Variants in CR2 observed in about 807,000 individuals in gnomAD.
CR2 encodes complement receptor type 2.
Under a neutral mutation model 123.0 loss-of-function variants are expected in CR2, and 96 were observed. The ratio of observed to expected loss-of-function variants is 0.78; its 90% CI spans 0.66 to 0.93. CR2 has a LOEUF of 0.93. Among genes scored for constraint, CR2 ranks in the 40% least tolerant of loss-of-function variants. The probability of loss-of-function intolerance (pLI) is 0.00; values close to 1 mark genes in which losing one functional copy is unlikely to be tolerated. For missense variants in CR2, 1,258 were observed against 1,361.0 expected, an observed-to-expected ratio of 0.92 and a Z score of 1.19; for synonymous variants, 484 against 469.5, an observed-to-expected ratio of 1.03 and a Z score of -0.40.
chr1:207,473,589 G>A lies in CR2; in HGVS notation c.2023G>A (p.Gly675Arg). 1.2e-6 allele frequency: 2 copies of A among 1,613,932 alleles called. No individual in the cohort carries two copies. The highest frequency in any genetic ancestry group is 1.7e-5 in the Admixed American group (1 of 59,982). ...PGLHHGRHTG[G>R]NTVFFVSGMT... ...GCTCCACCATGGTCGTCATACAGGTGGAAATACGGTCTTCTTTGTCTCTGG... is the reference window on the plus strand; with the variant it reads ...GCTCCACCATGGTCGTCATACAGGTAGAAATACGGTCTTCTTTGTCTCTGG... The change falls in exon 11 of 20, where the codon GGA becomes AGA. Residue 675 changes from glycine (G) to arginine (R), a missense_variant. Transcript: ENST00000367057.
chr1:207,463,478 A>C (rs1052454777), intron 1 of CR2, among the ~76,000 whole-genome samples: 1 of 152,188 alleles, frequency 6.6e-6, no homozygotes, highest in East Asian at 1.9e-4. Context: ...CTCCAGTGCT[A>C]CTGACCAGGA....
Position 207,454,732 on chromosome 1 carries a change from G to T in CR2, c.58+256G>T. 1 of 420,746 alleles carries T rather than the reference G, an allele frequency of 2.4e-6. No homozygotes were observed. 26.1% of individuals were successfully genotyped at this position (420,746 alleles called of 1,614,324 possible). A position where few individuals can be genotyped will look rare whatever the true frequency, so the allele number is the denominator to read the frequency against. ...GGCGCTGTCTGGTCGGCCCGGTGTGGCTGGCGGCGTGCGGGTGCTCGCGGT... is the reference window on the plus strand; with the variant it reads ...GGCGCTGTCTGGTCGGCCCGGTGTGTCTGGCGGCGTGCGGGTGCTCGCGGT... On this transcript the variant is annotated intron_variant, in intron 1 of 19. Transcript: ENST00000367057. The surrounding 1 kb of genome is among the most constrained non-coding windows in gnomAD (Gnocchi z 4.3).
intron 1 of CR2, among the ~76,000 whole-genome samples, 159 bp from the exon 2 acceptor site, chr1:207,466,367 T>G (rs940771605): frequency 6.6e-6 from 1 of 152,208 alleles, no homozygotes; most frequent in African/African-American, 2.4e-5. Context: ...AAGGTAAGAA[T>G]TTAGGAGTTT....
intron 6 of CR2, 122 bp downstream of exon 6, chr1:207,470,224 A>G: frequency 9.4e-7 from 1 of 1,063,538 alleles, no homozygotes; most frequent in Non-Finnish European, 1.4e-6. Context: ...TACTACATCT[A>G]ATCAATATAA....
In CR2 at chr1:207,471,082, T is replaced by A; in HGVS notation, c.1488T>A (p.Gly496=). 6.2e-7 allele frequency: 1 copy of A among 1,613,554 alleles called. No individual in the cohort carries two copies. The highest frequency in any genetic ancestry group is 8.5e-7 in the Non-Finnish European group (1 of 1,179,800). Residue 496 remains glycine, a synonymous_variant, in exon 8 of 20, where the codon GGT becomes GGA. Transcript: ENST00000367057. ...GACCAGATGTCAACTCTTCTTGTGG[T>A]GAAGGGTGAGTGAAGGCTGACTTAG... The part of the protein sequence containing the change: ...FVRPDVNSSC[G]EGYKLSGSVY...
At chr1:207,459,294 C>T (rs1657910964) in intron 1 of CR2, among the ~76,000 whole-genome samples, 1 of 150,994 alleles carries the variant, frequency 6.6e-6, no homozygotes, top group South Asian at 2.1e-4. Flanking sequence ...CATGGCCTTC[C>T]CTGGCTTTCT....
rs1330904386 is a variant in CR2 at position 207,479,106 on chromosome 1, G to A, written c.3089-151G>A. 3 of 671,724 alleles carry A rather than the reference G, an allele frequency of 4.5e-6. 1 individual carries two copies. 41.6% of individuals were successfully genotyped at this position (671,724 alleles called of 1,614,324 possible). On this transcript the variant is annotated intron_variant, in intron 16 of 19. Transcript: ENST00000367057. ...CTCAAAGTGCTAGGATTACAGGCAT[G>A]TGCCACTGTGCCTGGCCCCAGTACA... is the stretch of plus-strand genomic sequence containing the variant.
intron 8 of CR2, 132 bp downstream of exon 8, chr1:207,471,219 A>G: frequency 1.0e-6 from 1 of 984,858 alleles, no homozygotes; most frequent in Non-Finnish European, 1.6e-6. Context: ...CTTGCCTGTC[A>G]CATGGTCATG....
chr1:207,481,189 A>G (rs1041318705), intron 18 of CR2, among the ~76,000 whole-genome samples: 1 of 151,998 alleles, frequency 6.6e-6, no homozygotes, highest in Non-Finnish European at 1.5e-5. Flanking sequence ...TCCATTAGGA[A>G]TTTATTTTAT....
intron 1 of CR2, 63 bp from the exon 2 acceptor site, chr1:207,466,463 C>G (rs1433577981): frequency 7.0e-6 from 11 of 1,573,354 alleles, no homozygotes; most frequent in Admixed American, 5.0e-5. Flanking sequence ...GATATTTTAC[C>G]TACATTTGAA....
chr1:207,478,297 A>C (rs1658498989), intron 16 of CR2, among the ~76,000 whole-genome samples: 1 of 151,964 alleles, frequency 6.6e-6, no homozygotes, highest in Admixed American at 6.6e-5. Flanking sequence ...CTGAGGCAGG[A>C]GGATTGCTTG....
chr1:207,489,353 A>C lies in CR2; in HGVS notation c.*230A>C, dbSNP rs1412700885. ...CTCTTCAAGGACTTTCTGAAGCCTCACTTATGAGATGCCTGAAGCCAGGCC... is the reference window on the plus strand; with the variant it reads ...CTCTTCAAGGACTTTCTGAAGCCTCCCTTATGAGATGCCTGAAGCCAGGCC... On this transcript the variant is annotated 3_prime_UTR_variant, in exon 20 of 20. Coordinates refer to ENST00000367057, the MANE Select transcript of CR2 (RefSeq NM_001006658.3). 3 of 152,200 alleles carry C rather than the reference A, an allele frequency of 2.0e-5. No homozygotes were observed. Among genetic ancestry groups the C allele is most frequent in the Non-Finnish European group, 4.4e-5 (3 of 68,030 alleles). 9.4% of individuals were successfully genotyped at this position (152,200 alleles called of 1,614,324 possible).
In CR2 at chr1:207,454,330, C is replaced by A; in HGVS notation, c.-89C>A. The A allele has an allele frequency of 1.7e-6, 2 of 1,165,724 alleles. No homozygotes were observed. The highest frequency in any genetic ancestry group is 2.5e-6 in the Non-Finnish European group (2 of 808,752). 72.2% of individuals were successfully genotyped at this position (1,165,724 alleles called of 1,614,324 possible). ...AGGGCCCGCCTCTCCTGGCTCACAG[C>A]TGCTTGCTGCTCCAGCCTTGCCCTC... On this transcript the variant is annotated 5_prime_UTR_variant, in exon 1 of 20. The change creates a new upstream start codon in the 5' untranslated region. Coordinates refer to ENST00000367057, the MANE Select transcript of CR2 (RefSeq NM_001006658.3). The surrounding 1 kb of genome is among the most constrained non-coding windows in gnomAD (Gnocchi z 4.3).
At position 207,474,994 on chromosome 1, in the gene CR2, A is replaced by G; in HGVS notation, c.2494A>G (p.Ser832Gly). The G allele has an allele frequency of 6.2e-7, 1 of 1,614,154 alleles. No homozygotes were observed. Among genetic ancestry groups the G allele is most frequent in the Non-Finnish European group, 8.5e-7 (1 of 1,180,006 alleles). The change falls in exon 14 of 20, where the codon AGC becomes GGC. Residue 832 changes from serine to glycine, a missense_variant. Coordinates refer to ENST00000367057, the MANE Select transcript of CR2 (RefSeq NM_001006658.3). ...RSDSKGHGSW[S>G]GPSPQCLRSP... ...TGATTCTAAAGGACATGGATCTTGG[A>G]GCGGGCCTTCCCCACAGTGCTTACG... is the stretch of plus-strand genomic sequence containing the variant.
intron 1 of CR2, 99 bp from the exon 2 acceptor site, chr1:207,466,427 T>C: frequency 2.2e-6 from 3 of 1,392,406 alleles, no homozygotes; most frequent in South Asian, 2.4e-5. Flanking sequence ...AGTCTGTTTC[T>C]GAAAAAGTTA....
chr1:207,468,405 C>A, intron 2 of CR2, 122 bp from the exon 3 acceptor site: 1 of 935,244 alleles, frequency 1.1e-6, no homozygotes, highest in Non-Finnish European at 1.7e-6. Context: ...TATGTGTGGC[C>A]CAAGACAATT....
chr1:207,484,963 T>C (rs1478322321), intron 18 of CR2, among the ~76,000 whole-genome samples: 1 of 152,252 alleles, frequency 6.6e-6, no homozygotes, highest in African/African-American at 2.4e-5. Flanking sequence ...GTAAAGCTGC[T>C]TAGTGTCAGC....
chr1:207,458,250 C>A (rs182140657), intron 1 of CR2, among the ~76,000 whole-genome samples: 1 of 149,644 alleles, frequency 6.7e-6, no homozygotes, highest in East Asian at 2.0e-4. Context: ...TAAAATATAT[C>A]CACTGCTCAA....
intron 18 of CR2, among the ~76,000 whole-genome samples, chr1:207,482,147 A>G (rs181364174): frequency 1.8e-4 from 27 of 152,302 alleles, no homozygotes; most frequent in Admixed American, 1.8e-3. Context: ...AAGTGTATTT[A>G]TAGTCACAAA....
Sources: allele counts gnomAD v4.1 joint callset (sites outside exome capture counted in the v4.1 genomes callset), GRCh38; gene constraint gnomAD v4.1.1; non-coding constraint Gnocchi (gnomAD v3.1); transcripts MANE v1.5; gene names NCBI Gene and HGNC (gene_info 2026-07-23, HGNC 2026-07-21).